PLAAT4: variants seen among roughly 807,000 people sequenced by gnomAD.
PLAAT4 encodes the protein phospholipase A and acyltransferase 4.
A neutral mutation model predicts 14.1 loss-of-function variants in PLAAT4; 12 were observed. The observed-to-expected ratio is 0.85, with a 90% confidence interval of 0.54 to 1.37. The LOEUF (loss-of-function observed/expected upper bound fraction) is 1.37. PLAAT4 is among the 40% of genes most tolerant of loss of function. The probability of loss-of-function intolerance (pLI) is 0.00; values close to 1 mark genes in which losing one functional copy is unlikely to be tolerated. For missense variants in PLAAT4, 163 were observed against 211.7 expected (o/e 0.77, Z 1.43); for synonymous variants, 77 against 79.8 (o/e 0.96, Z 0.19).
At chr11:63,541,673 C>T (rs1352089951) in intron 2 of PLAAT4, among the ~76,000 whole-genome samples, 4 of 149,702 alleles carry the variant, frequency 2.7e-5, no homozygotes, top group Non-Finnish European at 5.9e-5. Context: ...ATATATTTTG[C>T]ATACTTTACA....
intron 3 of PLAAT4, chr11:63,545,125 C>T (rs1162155420): frequency 1.1e-5 from 7 of 615,616 alleles, no homozygotes; most frequent in Non-Finnish European, 2.0e-5. Flanking sequence ...TGGAGGAGCT[C>T]TGAGGATCCT....
At position 63,536,858 on chromosome 11, in the gene PLAAT4, T is replaced by C. The variant is rs777057541; in HGVS notation, c.-11T>C. 1 of 1,612,498 alleles carries C rather than the reference T, an allele frequency of 6.2e-7. No homozygotes were observed. The highest frequency in any genetic ancestry group is 8.5e-7 in the Non-Finnish European group (1 of 1,179,346). On this transcript the variant is annotated 5_prime_UTR_variant, in exon 1 of 4. Coordinates refer to ENST00000255688, the MANE Select transcript of PLAAT4 (RefSeq NM_004585.5). ...AACAAGAGGAGCACCAGACCTCCTCTTGGCTTCGAGATGGCTTCGGTAAGT... is the reference window on the plus strand; with the variant it reads ...AACAAGAGGAGCACCAGACCTCCTCCTGGCTTCGAGATGGCTTCGGTAAGT...
intron 2 of PLAAT4, among the ~76,000 whole-genome samples, chr11:63,540,580 C>A (rs2017313582): frequency 6.6e-6 from 1 of 152,210 alleles, no homozygotes; most frequent in Non-Finnish European, 1.5e-5. Context: ...AATCCCAGCA[C>A]TTTGGGAGGC....
intron 1 of PLAAT4, among the ~76,000 whole-genome samples, chr11:63,537,928 G>T (rs2017286132): frequency 6.6e-6 from 1 of 152,196 alleles, no homozygotes. Context: ...GGGAATTGCA[G>T]CTCAACTTGA....
intron 1 of PLAAT4, 90 bp from the exon 2 acceptor site, chr11:63,539,426 C>T (rs754464989): frequency 6.3e-5 from 64 of 1,015,760 alleles, no homozygotes; most frequent in Non-Finnish European, 9.8e-5. Context: ...ATCAGCAAGG[C>T]GTCTCCAGGA....
intron 2 of PLAAT4, among the ~76,000 whole-genome samples, chr11:63,540,794 A>G (rs1367046287): frequency 6.6e-6 from 1 of 152,216 alleles, no homozygotes; most frequent in African/African-American, 2.4e-5. Context: ...AGACAGTGCC[A>G]CTGCACTCCA....
chr11:63,538,285 G>A (rs1240531661), intron 1 of PLAAT4: 5 of 317,728 alleles, frequency 1.6e-5, no homozygotes, highest in Non-Finnish European at 3.1e-5. Context: ...GACGGTCATG[G>A]CCAGATGTGC....
intron 1 of PLAAT4, among the ~76,000 whole-genome samples, chr11:63,537,209 G>A (rs540853092): frequency 6.6e-5 from 10 of 152,198 alleles, no homozygotes; most frequent in East Asian, 3.9e-4. Context: ...TCTGGGTTGT[G>A]GGAAGCAAGC....
intron 3 of PLAAT4, 68 bp downstream of exon 3, chr11:63,544,957 G>A (rs2017352322): frequency 1.2e-6 from 2 of 1,605,686 alleles, no homozygotes; most frequent in Non-Finnish European, 1.7e-6. Flanking sequence ...GTGCAGCCAG[G>A]CGATCACTGT....
At chr11:63,536,971 A>C in intron 1 of PLAAT4, 94 bp downstream of exon 1, 1 of 1,425,178 alleles carries the variant, frequency 7.0e-7, no homozygotes, top group Non-Finnish European at 9.6e-7. Flanking sequence ...CCTTGGGCAC[A>C]CAGCTCCAGA....
chr11:63,540,840 C>A (rs1240595627), intron 2 of PLAAT4, among the ~76,000 whole-genome samples: 1 of 152,094 alleles, frequency 6.6e-6, no homozygotes, highest in African/African-American at 2.4e-5. Flanking sequence ...TCTCAAAAAA[C>A]AACAACAAAA....
chr11:63,546,265 C>G lies in PLAAT4; in HGVS notation c.*9C>G. On this transcript the variant is annotated 3_prime_UTR_variant, in exon 4 of 4. Coordinates refer to ENST00000255688, the MANE Select transcript of PLAAT4 (RefSeq NM_004585.5). ...AAAAAGCGACAGCCTGAAGCAGCCA[C>G]AAAATCCTGTGTTAGAAGCAGCTGT... 1 of 1,613,222 alleles carries G rather than the reference C, an allele frequency of 6.2e-7. No individual in the cohort carries two copies. The highest frequency in any genetic ancestry group is 8.5e-7 in the Non-Finnish European group (1 of 1,179,144).
At chr11:63,536,931 C>G in intron 1 of PLAAT4, 54 bp downstream of exon 1, 1 of 1,594,230 alleles carries the variant, frequency 6.3e-7, no homozygotes, top group African/African-American at 1.4e-5. Context: ...GGCAGCTCCC[C>G]CTAGGAAAGG....
chr11:63,540,051 G>C (rs1384174046), intron 2 of PLAAT4, among the ~76,000 whole-genome samples: 2 of 152,272 alleles, frequency 1.3e-5, no homozygotes, highest in African/African-American at 4.8e-5. Flanking sequence ...CTTAGAGGAT[G>C]CTTGATGAGA....
Position 63,536,960 on chromosome 11 carries a change from G to A in PLAAT4, c.9+83G>A, listed in dbSNP as rs1350090141. ...GGAAAGGCCTCAGTCCAGGCTCCTG[G>A]CCTTGGGCACACAGCTCCAGAGCTC... On this transcript the variant is annotated intron_variant, in intron 1 of 3. Coordinates refer to ENST00000255688, the MANE Select transcript of PLAAT4 (RefSeq NM_004585.5). 3 of 1,505,476 alleles carry A rather than the reference G, an allele frequency of 2.0e-6. No homozygotes were observed. In the Admixed American group the frequency reaches 6.5e-5, roughly 33 times the overall value. 93.3% of individuals were successfully genotyped at this position (1,505,476 alleles called of 1,614,324 possible).
chr11:63,543,357 G>A (rs1377557766), intron 2 of PLAAT4, among the ~76,000 whole-genome samples: 1 of 152,242 alleles, frequency 6.6e-6, no homozygotes, highest in African/African-American at 2.4e-5. Context: ...GCACATGCAA[G>A]GGATCAGGCT....
rs780960051 is a variant in PLAAT4 at position 63,544,766 on chromosome 11, C to T, written c.264C>T (p.Pro88=). ...NSLDHEYQPR[P]VEVIISSAKE... The stretch of plus-strand genomic sequence containing the variant: ...TGGACCATGAGTACCAACCACGGCC[C>T]GTGGAGGTGATCATCAGTTCTGCGA... Residue 88 remains proline (P), a synonymous_variant, in exon 3 of 4, where the codon CCC becomes CCT. Coordinates refer to ENST00000255688, the MANE Select transcript of PLAAT4 (RefSeq NM_004585.5). The T allele has an allele frequency of 4.3e-6, 7 of 1,614,048 alleles. No individual in the cohort carries two copies. Among genetic ancestry groups the T allele is most frequent in the Admixed American group, 1.7e-5 (1 of 60,000 alleles).
At position 63,544,794 on chromosome 11, in the gene PLAAT4, G is replaced by C; in HGVS notation, c.292G>C (p.Glu98Gln). The change falls in exon 3 of 4, where the codon GAG becomes CAG. Residue 98 changes from glutamate to glutamine, a missense_variant. Physicochemically the swap from Glu to Gln is conservative, Grantham distance 29. Coordinates refer to ENST00000255688, the MANE Select transcript of PLAAT4 (RefSeq NM_004585.5). The part of the protein sequence containing the change: ...PVEVIISSAK[E>Q]MVGQKMKYSI... ...GGAGGTGATCATCAGTTCTGCGAAG[G>C]AGATGGTTGGTCAGAAGATGAAGTA... is the stretch of plus-strand genomic sequence containing the variant. 1 of 1,614,212 alleles carries C rather than the reference G, an allele frequency of 6.2e-7. No individual in the cohort carries two copies. Among genetic ancestry groups the C allele is most frequent in the South Asian group, 1.1e-5 (1 of 91,080 alleles).
At chr11:63,540,595 G>A (rs1221277457) in intron 2 of PLAAT4, among the ~76,000 whole-genome samples, 1 of 152,202 alleles carries the variant, frequency 6.6e-6, no homozygotes, top group Non-Finnish European at 1.5e-5. Context: ...GGAGGCCAAG[G>A]CGGACGGATC....
Sources: gnomAD v4.1 joint callset for allele counts (sites outside exome capture counted in the v4.1 genomes callset) on GRCh38, gnomAD v4.1.1 for gene constraint, MANE v1.5 for transcripts, NCBI Gene and HGNC (gene_info 2026-07-23, HGNC 2026-07-21) for gene names.